DPYSL2: variants seen among roughly 807,000 people sequenced by gnomAD.
DPYSL2 encodes the protein dihydropyrimidinase-related protein 2.
In DPYSL2, 13 loss-of-function variants were observed where a neutral mutation model predicts 69.9. The observed-to-expected ratio is 0.19, with a 90% CI of 0.12 to 0.30. DPYSL2 has a LOEUF of 0.30. Among genes scored for constraint, DPYSL2 ranks in the 10% least tolerant of loss-of-function variants. The pLI, the probability that DPYSL2 is intolerant of heterozygous loss-of-function variation, is 1.00. For missense variants in DPYSL2, 587 were observed against 918.9 expected (o/e 0.64, Z 4.67); for synonymous variants, 326 against 359.1 (o/e 0.91, Z 1.04).
chr8:26,530,434 T>C (rs989033524), intron 1 of DPYSL2, among the ~76,000 whole-genome samples: 3 of 152,228 alleles, frequency 2.0e-5, no homozygotes, highest in African/African-American at 7.2e-5. Context: ...CACATCTTAA[T>C]TGGATGTGGA....
intron 1 of DPYSL2, chr8:26,577,152 G>A (rs1377291562): frequency 2.2e-6 from 1 of 447,422 alleles, no homozygotes; most frequent in East Asian, 7.9e-5. Context: ...GGTTTCCTCA[G>A]GGCTCTCATT....
chr8:26,603,563 C>T (rs766260278), intron 3 of DPYSL2, among the ~76,000 whole-genome samples: 19 of 152,186 alleles, frequency 1.2e-4, no homozygotes, highest in Non-Finnish European at 2.2e-4. Flanking sequence ...ATTGTGTATT[C>T]GCATTGTTGT....
rs930383881 is a variant in DPYSL2, at chr8:26,641,494, G to A, written c.1127-1945G>A. 6.6e-5 allele frequency among the ~76,000 whole-genome samples: 10 copies of A among 152,222 alleles called. No homozygotes were observed. Among genetic ancestry groups the A allele is most frequent in the Non-Finnish European group, 8.8e-5 (6 of 68,042 alleles). ...TTTGAGAACTGATGACTGCTGCTGG[G>A]TCCTGCCCAGCCATTTGCATTTTAT... On this transcript the variant is annotated intron_variant, in intron 8 of 13. Transcript: ENST00000521913. This position sits in a 1 kb window ranked among gnomAD's most constrained non-coding sequence, Gnocchi z 4.1.
chr8:26,563,109 C>T (rs747858309), intron 1 of DPYSL2, among the ~76,000 whole-genome samples: 14 of 152,074 alleles, frequency 9.2e-5, no homozygotes, highest in Non-Finnish European at 1.6e-4. Context: ...GAAGCCCACC[C>T]GAATTCAAAG....
At chr8:26,589,666 G>T (rs1039620432) in intron 3 of DPYSL2, among the ~76,000 whole-genome samples, 8 of 152,244 alleles carry the variant, frequency 5.3e-5, no homozygotes, top group African/African-American at 1.4e-4. Flanking sequence ...TGGTCATGGT[G>T]GGGGAGGGTG....
At chr8:26,566,745 C>T (rs968226367) in intron 1 of DPYSL2, among the ~76,000 whole-genome samples, 4 of 152,150 alleles carry the variant, frequency 2.6e-5, no homozygotes, top group Non-Finnish European at 5.9e-5. Flanking sequence ...ATTTTAGACT[C>T]AAGTCCCAGT....
At chr8:26,615,970 C>T (rs1024812617) in intron 3 of DPYSL2, among the ~76,000 whole-genome samples, 2 of 152,134 alleles carry the variant, frequency 1.3e-5, no homozygotes, top group South Asian at 2.1e-4. Flanking sequence ...GCTTTATCTT[C>T]CTGGGGGTGT....
intron 1 of DPYSL2, among the ~76,000 whole-genome samples, chr8:26,542,204 CTTGAGGCTGGGAGG>C (rs1429696575): frequency 6.6e-6 from 1 of 152,064 alleles, no homozygotes; most frequent in African/African-American, 2.4e-5. Flanking sequence ...GGGAGAATCG[CTTGAGGCTGGGAGG>C]TTGAGGCTGC....
chr8:26,609,974 C>T lies in DPYSL2; in HGVS notation c.629-14169C>T, dbSNP rs568023422. Among the ~76,000 whole-genome samples, 29 of 152,326 alleles carry T rather than the reference C, an allele frequency of 1.9e-4. No individual in the cohort carries two copies. The South Asian group carries it at 3.9e-3, about 21-fold the overall frequency. ...TCACATGCACATGGGCATACACACA[C>T]GTACACACTCACCCATGTGCACACA... On this transcript the variant is annotated intron_variant, in intron 3 of 13. Transcript: ENST00000521913. The surrounding 1 kb of genome is among the most constrained non-coding windows in gnomAD (Gnocchi z 6.5).
chr8:26,586,179 A>AGGAGTTAGGAGTCT lies in DPYSL2; in HGVS notation c.628+2202_628+2215dup, dbSNP rs1473212079. ...ATTGGAGAGGGAAATGCCCCCAGCCAGGAGTTAGGAGTCTGGAGTGCTGGC... is the reference window on the plus strand; with the variant it reads ...ATTGGAGAGGGAAATGCCCCCAGCCAGGAGTTAGGAGTCTGGAGTTAGGAGTCTGGAGTGCTGGC... On this transcript the variant is annotated intron_variant, in intron 3 of 13. Transcript: ENST00000521913. This position sits in a 1 kb window ranked among gnomAD's most constrained non-coding sequence, Gnocchi z 4.7. Among the ~76,000 whole-genome samples the AGGAGTTAGGAGTCT allele has an allele frequency of 6.6e-6, 1 of 152,192 alleles. No individual in the cohort carries two copies. The highest frequency in any genetic ancestry group is 6.5e-5 in the Admixed American group (1 of 15,276).
chr8:26,634,946 G>A, intron 8 of DPYSL2, 46 bp downstream of exon 8: 1 of 1,610,500 alleles, frequency 6.2e-7, no homozygotes, highest in Non-Finnish European at 8.5e-7. Flanking sequence ...GGGAGGTTTG[G>A]AGGGGAGGGG....
chr8:26,518,989 T>G (rs1433084603), intron 1 of DPYSL2, among the ~76,000 whole-genome samples: 1 of 152,224 alleles, frequency 6.6e-6, no homozygotes, highest in Non-Finnish European at 1.5e-5. Context: ...CTAACCAGCA[T>G]CTACCATCTT....
Position 26,643,736 on chromosome 8 carries a change from A to T in DPYSL2, c.1283+141A>T. Reference sequence around the variant, plus strand: ...TTCACCAAACTAGGTTGGCTACATGAGTACAGGGAATTGTCATTCTAGCAC... The same window carrying T: ...TTCACCAAACTAGGTTGGCTACATGTGTACAGGGAATTGTCATTCTAGCAC... On this transcript the variant is annotated intron_variant, in intron 9 of 13. Transcript: ENST00000521913. This position sits in a 1 kb window ranked among gnomAD's most constrained non-coding sequence, Gnocchi z 6.5. The T allele has an allele frequency of 7.7e-7, 1 of 1,304,606 alleles. No individual in the cohort carries two copies. Among genetic ancestry groups the T allele is most frequent in the South Asian group, 1.4e-5 (1 of 72,492 alleles). 80.8% of individuals were successfully genotyped at this position (1,304,606 alleles called of 1,614,324 possible).
At chr8:26,519,642 T>G (rs1359754546) in intron 1 of DPYSL2, among the ~76,000 whole-genome samples, 2 of 152,162 alleles carry the variant, frequency 1.3e-5, no homozygotes, top group Non-Finnish European at 2.9e-5. Context: ...CCTAAGGTCT[T>G]GCTATTTAGT....
rs1425918427 is a variant in DPYSL2, at chr8:26,619,999, A to G, written c.629-4144A>G. 6.6e-6 allele frequency: 1 copy of G among 151,962 alleles called. No homozygotes were observed. Among genetic ancestry groups the G allele is most frequent in the African/African-American group, 2.4e-5 (1 of 41,260 alleles). 9.4% of individuals were successfully genotyped at this position (151,962 alleles called of 1,614,324 possible). On this transcript the variant is annotated intron_variant, in intron 3 of 13. Coordinates refer to ENST00000521913, the MANE Select transcript of DPYSL2 (RefSeq NM_001197293.3). This position sits in a 1 kb window ranked among gnomAD's most constrained non-coding sequence, Gnocchi z 4.8. The stretch of plus-strand genomic sequence containing the variant: ...CAGCCTGAAGTTGTCCTTGTCTGTC[A>G]CCCTCCCCACTTTGTCTAAGGGTGA...
At position 26,620,546 on chromosome 8, in the gene DPYSL2, C is replaced by G. The variant is rs1295833019; in HGVS notation, c.629-3597C>G. ...TATCAAAAAGCTGCTCTATTTAGTACTGATTGAGATGAATGGAGCAAAATA... is the reference window on the plus strand; with the variant it reads ...TATCAAAAAGCTGCTCTATTTAGTAGTGATTGAGATGAATGGAGCAAAATA... On this transcript the variant is annotated intron_variant, in intron 3 of 13. Coordinates refer to ENST00000521913, the MANE Select transcript of DPYSL2 (RefSeq NM_001197293.3). This position sits in a 1 kb window ranked among gnomAD's most constrained non-coding sequence, Gnocchi z 4.5. 2.6e-5 allele frequency among the ~76,000 whole-genome samples: 4 copies of G among 152,088 alleles called. No homozygotes were observed. The highest frequency in any genetic ancestry group is 2.6e-4 in the Admixed American group (4 of 15,266).
chr8:26,618,569 T>A (rs1432604411), intron 3 of DPYSL2, among the ~76,000 whole-genome samples: 1 of 134,494 alleles, frequency 7.4e-6, no homozygotes, highest in Non-Finnish European at 1.5e-5. Flanking sequence ...TCTGCCCACC[T>A]CAGCCTCCCA....
intron 3 of DPYSL2, among the ~76,000 whole-genome samples, chr8:26,612,082 C>T (rs1440533325): frequency 6.6e-6 from 1 of 152,244 alleles, no homozygotes; most frequent in Non-Finnish European, 1.5e-5. Flanking sequence ...TCTGATCTCT[C>T]ATGTAGGACT....
At chr8:26,581,931 C>G in intron 1 of DPYSL2, 38 bp from the exon 2 acceptor site, 3 of 1,458,992 alleles carry the variant, frequency 2.1e-6, no homozygotes, top group Non-Finnish European at 2.9e-6. Flanking sequence ...TCTCATAGGT[C>G]AGTTACGCGT....
Sources: gnomAD v4.1 joint callset for allele counts (sites outside exome capture counted in the v4.1 genomes callset) on GRCh38, gnomAD v4.1.1 for gene constraint, Gnocchi (gnomAD v3.1) non-coding constraint, MANE v1.5 for transcripts, NCBI Gene and HGNC (gene_info 2026-07-23, HGNC 2026-07-21) for gene names.